LDLRAD2: variants seen among roughly 807,000 people sequenced by gnomAD.
The protein encoded by LDLRAD2 is low-density lipoprotein receptor class A domain-containing protein 2.
Under a neutral mutation model 24.9 loss-of-function variants are expected in LDLRAD2, and 25 were observed. The ratio of observed to expected loss-of-function variants is 1.00; its 90% confidence interval spans 0.73 to 1.40. The LOEUF is 1.40. LDLRAD2 is among the 40% of genes most tolerant of loss of function. The pLI is 0.00. For synonymous variants in LDLRAD2, 182 were observed against 166.7 expected (o/e 1.09, Z -0.71); for missense variants, 391 against 366.2 (o/e 1.07, Z -0.55).
In LDLRAD2 at chr1:21,824,766, C is replaced by G; in HGVS notation, c.*2551C>G. 1 of 1,612,898 alleles carries G rather than the reference C, an allele frequency of 6.2e-7. No homozygotes were observed. Among genetic ancestry groups the G allele is most frequent in the Non-Finnish European group, 8.5e-7 (1 of 1,179,586 alleles). Reference sequence around the variant, plus strand: ...CATCATCGTGGAAATAGGCTCCGTACTGCCCAGGGGCATCTGTGGGAGAGA... The same window carrying G: ...CATCATCGTGGAAATAGGCTCCGTAGTGCCCAGGGGCATCTGTGGGAGAGA... On this transcript the variant is annotated 3_prime_UTR_variant, in exon 5 of 5. Transcript: ENST00000344642. This position sits in a 1 kb window ranked among gnomAD's most constrained non-coding sequence, Gnocchi z 5.9.
chr1:21,813,301 TAAAA>T, intron 1 of LDLRAD2, among the ~76,000 whole-genome samples: 1 of 142,894 alleles, frequency 7.0e-6, no homozygotes, highest in East Asian at 2.1e-4. Context: ...CTCAAAGAAA[TAAAA>T]AAAAAAAAGG....
Position 21,814,592 on chromosome 1 carries a change from C to T in LDLRAD2, c.280C>T (p.Pro94Ser), listed in dbSNP as rs1379753896. 13 of 1,611,562 alleles carry T rather than the reference C, an allele frequency of 8.1e-6. No homozygotes were observed. Among genetic ancestry groups the T allele is most frequent in the South Asian group, 4.4e-5 (4 of 91,036 alleles). The change falls in exon 2 of 5, where the codon CCG (proline) becomes TCG (serine). Residue 94 changes from proline (P) to serine (S), a missense_variant. Pro to Ser is a moderately conservative substitution (Grantham distance 74, BLOSUM62 -1). Coordinates refer to ENST00000344642, the MANE Select transcript of LDLRAD2 (RefSeq NM_001013693.3). ...FLVYSLTPAP[P>S]ALNTSSPAPA... is the part of the protein sequence containing the mutation. ...GGTCTACAGCCTGACCCCCGCGCCC[C>T]CGGCGCTCAACACCTCCTCCCCGGC...
chr1:21,813,876 C>CTT lies in LDLRAD2; in HGVS notation c.86-511_86-510dup, dbSNP rs35652739. ...CTTATCACACAGCTCTCCCCCTCCC[C>CTT]TTTTTTTTTTTTGGTGACGGAGTCT... On this transcript the variant is annotated intron_variant, in intron 1 of 4. Transcript: ENST00000344642. Among the ~76,000 whole-genome samples, 93 of 148,048 alleles carry CTT rather than the reference C, an allele frequency of 6.3e-4. 1 individual carries two copies. Among genetic ancestry groups the CTT allele is most frequent in the Admixed American group, 2.0e-3 (30 of 14,880 alleles).
In LDLRAD2 at chr1:21,812,332, C is replaced by T; in HGVS notation, c.-120C>T. 1 of 688,282 alleles carries T rather than the reference C, an allele frequency of 1.5e-6. No individual in the cohort carries two copies. The highest frequency in any genetic ancestry group is 2.6e-6 in the Non-Finnish European group (1 of 389,366). 42.6% of individuals were successfully genotyped at this position (688,282 alleles called of 1,614,324 possible). ...CATAGTGAAGACTTGCCTCCCCCTT[C>T]TCCTTGTGTCCCACCAGCCTCCCTG... On this transcript the variant is annotated 5_prime_UTR_variant, in exon 1 of 5. Transcript: ENST00000344642.
chr1:21,816,955 G>A (rs554187602), intron 3 of LDLRAD2, among the ~76,000 whole-genome samples: 84 of 152,198 alleles, frequency 5.5e-4, no homozygotes, highest in African/African-American at 1.9e-3. Context: ...GCATCTCTGC[G>A]TGGATGTATA....
Position 21,824,698 on chromosome 1 carries a change from T to A in LDLRAD2, c.*2483T>A. The A allele has an allele frequency of 7.4e-6, 12 of 1,613,576 alleles. No homozygotes were observed. The highest frequency in any genetic ancestry group is 4.0e-5 in the African/African-American group (3 of 74,990). On this transcript the variant is annotated 3_prime_UTR_variant, in exon 5 of 5. Transcript: ENST00000344642. This position sits in a 1 kb window ranked among gnomAD's most constrained non-coding sequence, Gnocchi z 5.9. ...GGCCCATGGGCCCTTCCAATGCCAG[T>A]CTCACCTCCTGGAGAAGACATGGCC... is the stretch of plus-strand genomic sequence containing the variant.
At position 21,823,045 on chromosome 1, in the gene LDLRAD2, G is replaced by T; in HGVS notation, c.*830G>T. 2.7e-6 allele frequency: 1 copy of T among 367,714 alleles called. No individual in the cohort carries two copies. The highest frequency in any genetic ancestry group is 4.8e-6 in the Non-Finnish European group (1 of 206,410). 22.8% of individuals were successfully genotyped at this position (367,714 alleles called of 1,614,324 possible). A position where few individuals can be genotyped will look rare whatever the true frequency, so the allele number is the denominator to read the frequency against. ...AGGGGGACAGTGGGGGCAGTTCTGG[G>T]CCCACCCAGCCACTGTTCCTGACCC... On this transcript the variant is annotated 3_prime_UTR_variant, in exon 5 of 5. Coordinates refer to ENST00000344642, the MANE Select transcript of LDLRAD2 (RefSeq NM_001013693.3).
intron 3 of LDLRAD2, among the ~76,000 whole-genome samples, chr1:21,818,255 A>C (rs536628057): frequency 4.0e-5 from 6 of 148,506 alleles, no homozygotes; most frequent in South Asian, 2.2e-4. Context: ...CAAGTGATCC[A>C]CCCGCCTTGG....
chr1:21,815,934 T>C lies in LDLRAD2; in HGVS notation c.512-9T>C. The stretch of plus-strand genomic sequence containing the variant: ...AATCCTCACCTCAGGCTTCTGCTTC[T>C]GGCCTCAGGACCTTGTGGTGCCTAC... On this transcript the variant is annotated splice_polypyrimidine_tract_variant and intron_variant, in intron 2 of 4. Transcript: ENST00000344642. 9 of 1,613,734 alleles carry C rather than the reference T, an allele frequency of 5.6e-6. No homozygotes were observed. Among genetic ancestry groups the C allele is most frequent in the Non-Finnish European group, 7.6e-6 (9 of 1,179,858 alleles).
Position 21,822,339 on chromosome 1 carries a change from T to C in LDLRAD2, c.*124T>C. ...GAGGCCAGGCGTCCCAACCCCACAG[T>C]CTGGGGGCCACTGGCAGGATGGCAC... On this transcript the variant is annotated 3_prime_UTR_variant, in exon 5 of 5. Transcript: ENST00000344642. 9.5e-6 allele frequency: 9 copies of C among 950,720 alleles called. No homozygotes were observed. Among genetic ancestry groups the C allele is most frequent in the African/African-American group, 1.6e-5 (1 of 61,868 alleles). The allele number at this position is 950,720 out of a possible 1,614,324, so 58.9% of individuals were successfully genotyped here.
rs377552700 is a variant in LDLRAD2 at position 21,821,674 on chromosome 1, C to T, written c.805+63C>T. On this transcript the variant is annotated intron_variant, in intron 4 of 4. Coordinates refer to ENST00000344642, the MANE Select transcript of LDLRAD2 (RefSeq NM_001013693.3). ...CCTGTCCCTCTCTAGGTGATGGGGA[C>T]GGGGCAGAGGACCCAGGCCGAGGCC... 1.3e-4 allele frequency: 214 copies of T among 1,591,932 alleles called. 1 individual carries two copies. The East Asian group carries it at 2.2e-3, about 16-fold the overall frequency.
Position 21,822,887 on chromosome 1 carries a change from T to C in LDLRAD2, c.*672T>C, listed in dbSNP as rs1270490168. 6.0e-6 allele frequency: 1 copy of C among 167,434 alleles called. No homozygotes were observed. The highest frequency in any genetic ancestry group is 1.3e-5 in the Non-Finnish European group (1 of 77,636). 10.4% of individuals were successfully genotyped at this position (167,434 alleles called of 1,614,324 possible). ...CCAATCCTGAGTGGGTGGCAGAGAC[T>C]CCTGCGATGCCCGTCTCAGGTAGCT... is the stretch of plus-strand genomic sequence containing the variant. On this transcript the variant is annotated 3_prime_UTR_variant, in exon 5 of 5. Coordinates refer to ENST00000344642, the MANE Select transcript of LDLRAD2 (RefSeq NM_001013693.3).
chr1:21,814,903 G>C (rs1236374620), intron 2 of LDLRAD2, 80 bp downstream of exon 2: 6 of 1,294,720 alleles, frequency 4.6e-6, no homozygotes, highest in Non-Finnish European at 6.0e-6. Flanking sequence ...GCCCCGGTGA[G>C]GGCCGCTGCC....
rs1371270117 is a variant in LDLRAD2, at chr1:21,822,763, AGGTGGGTGGG to A, written c.*553_*562del. The A allele has an allele frequency of 1.8e-5, 2 of 114,114 alleles. No individual in the cohort carries two copies. Among genetic ancestry groups the A allele is most frequent in the Non-Finnish European group, 3.6e-5 (2 of 54,972 alleles). 7.1% of individuals were successfully genotyped at this position (114,114 alleles called of 1,614,324 possible). On this transcript the variant is annotated 3_prime_UTR_variant, in exon 5 of 5. Coordinates refer to ENST00000344642, the MANE Select transcript of LDLRAD2 (RefSeq NM_001013693.3). ...AGAGGAGGTGCCAGGGGCTGGGTGG[AGGTGGGTGGG>A]GGTGCTGAAAAACGAGCTGGTGGGG...
chr1:21,815,914 T>C (rs2097943381), intron 2 of LDLRAD2, 29 bp from the exon 3 acceptor site: 2 of 1,612,262 alleles, frequency 1.2e-6, no homozygotes, highest in Admixed American at 1.7e-5. Flanking sequence ...ACCGGAATCC[T>C]CACCTCAGGC....
chr1:21,824,784 GGGAGAGA>G lies in LDLRAD2; in HGVS notation c.*2574_*2580del, dbSNP rs772906982. ...CTCCGTACTGCCCAGGGGCATCTGT[GGGAGAGA>G]GGAGGGTGGTGCCATACCTGCTGCA... On this transcript the variant is annotated 3_prime_UTR_variant, in exon 5 of 5. Coordinates refer to ENST00000344642, the MANE Select transcript of LDLRAD2 (RefSeq NM_001013693.3). This position sits in a 1 kb window ranked among gnomAD's most constrained non-coding sequence, Gnocchi z 5.9. 3 of 1,610,602 alleles carry G rather than the reference GGGAGAGA, an allele frequency of 1.9e-6. No homozygotes were observed. In the African/African-American group the frequency reaches 4.0e-5, roughly 22 times the overall value.
At position 21,824,041 on chromosome 1, in the gene LDLRAD2, C is replaced by T; in HGVS notation, c.*1826C>T. On this transcript the variant is annotated 3_prime_UTR_variant, in exon 5 of 5. Coordinates refer to ENST00000344642, the MANE Select transcript of LDLRAD2 (RefSeq NM_001013693.3). The surrounding 1 kb of genome is among the most constrained non-coding windows in gnomAD (Gnocchi z 5.9). ...TGTCTCCACAGAGCTCAATACCTGC[C>T]TCTCTGCCCATGGTAGGGGGCGTCC... 5 of 1,312,838 alleles carry T rather than the reference C, an allele frequency of 3.8e-6. No individual in the cohort carries two copies. The highest frequency in any genetic ancestry group is 5.4e-6 in the Non-Finnish European group (5 of 926,434). The allele number at this position is 1,312,838 out of a possible 1,614,324, so 81.3% of individuals were successfully genotyped here.
Position 21,814,408 on chromosome 1 carries a change from G to A in LDLRAD2, c.96G>A (p.Ala32=), listed in dbSNP as rs2097941609. ...TGCCTTCCGCTGCAGCCGACCTGGC[G>A]GAACTGTGCGGGCAGACGTGGCAGG... The part of the protein sequence containing the change: ...TATALETADL[A]ELCGQTWQGD... The change falls in exon 2 of 5, where the codon GCG becomes GCA. Residue 32 remains alanine, a synonymous_variant. Coordinates refer to ENST00000344642, the MANE Select transcript of LDLRAD2 (RefSeq NM_001013693.3). The A allele has an allele frequency of 1.9e-6, 3 of 1,598,118 alleles. No individual in the cohort carries two copies. The highest frequency in any genetic ancestry group is 2.6e-6 in the Non-Finnish European group (3 of 1,171,916).
In LDLRAD2 at chr1:21,822,261, T is replaced by C. The variant is rs2097953647; in HGVS notation, c.*46T>C. ...GAGGCCCCTGGCGGGGATAGCACCG[T>C]TTATTAAGAAAAATCAAGACAAAGA... On this transcript the variant is annotated 3_prime_UTR_variant, in exon 5 of 5. Transcript: ENST00000344642. 1.3e-6 allele frequency: 2 copies of C among 1,590,778 alleles called. No individual in the cohort carries two copies. The highest frequency in any genetic ancestry group is 1.7e-6 in the Non-Finnish European group (2 of 1,159,078).
Sources: allele counts gnomAD v4.1 joint callset (sites outside exome capture counted in the v4.1 genomes callset), GRCh38; gene constraint gnomAD v4.1.1; non-coding constraint Gnocchi (gnomAD v3.1); transcripts MANE v1.5; gene names NCBI Gene and HGNC (gene_info 2026-07-23, HGNC 2026-07-21).